MSANTD5: variants seen among roughly 807,000 people sequenced by gnomAD.
MSANTD5 encodes uncharacterized protein MSANTD5.
At chr5:178,706,359 A>G in the MSANTD5 span, among the ~76,000 whole-genome samples, 7 of 151,916 alleles carry the variant, frequency 4.6e-5, no homozygotes, top group African/African-American at 1.7e-4. Context: ...AATTTCCCCA[A>G]ATGGTCCTCC....
chr5:178,698,703 G>A (rs6873150), upstream of MSANTD5, among the ~76,000 whole-genome samples: 35,579 of 150,148 alleles, frequency 0.24, 4,476 homozygotes, highest in South Asian at 0.36. Context: ...CCTCAGCCTC[G>A]CAGGTAGCTA....
downstream of MSANTD5, among the ~76,000 whole-genome samples, chr5:178,691,836 T>G (rs995759769): frequency 4.4e-5 from 6 of 135,578 alleles, 2 homozygotes; most frequent in Non-Finnish European, 1.0e-4. Flanking sequence ...AAGCCATAAG[T>G]AGATATCACC....
downstream of MSANTD5, among the ~76,000 whole-genome samples, chr5:178,693,244 C>T (rs554574873): frequency 3.9e-5 from 6 of 151,962 alleles, no homozygotes; most frequent in Admixed American, 1.3e-4. Flanking sequence ...ACCCAGGTGG[C>T]GGAGGTTATG....
chr5:178,704,246 TAC>T, the MSANTD5 span, among the ~76,000 whole-genome samples: 1 of 152,192 alleles, frequency 6.6e-6, no homozygotes, highest in Non-Finnish European at 1.5e-5. Flanking sequence ...AATGCTTGCG[TAC>T]CCCCAAAATT....
chr5:178,702,755 G>A, the MSANTD5 span, among the ~76,000 whole-genome samples: 1 of 150,942 alleles, frequency 6.6e-6, no homozygotes, highest in African/African-American at 2.4e-5. Context: ...TTGCGACCAC[G>A]CCCGGCTAAT....
At chr5:178,693,646 G>C (rs192828750), downstream of MSANTD5, among the ~76,000 whole-genome samples, 567 of 152,178 alleles carry the variant, frequency 3.7e-3, 10 homozygotes, top group African/African-American at 0.013. Context: ...TGAGCACCTT[G>C]CATCTGCTGG....
At chr5:178,705,265 C>T in the MSANTD5 span, among the ~76,000 whole-genome samples, 2 of 152,044 alleles carry the variant, frequency 1.3e-5, no homozygotes, top group Non-Finnish European at 2.9e-5. Context: ...CCAGGATGGT[C>T]TCGATCTCCT....
chr5:178,694,644 T>C (rs6600944), exon 4 of MSANTD5: 144,556 of 152,334 alleles, frequency 0.95, 68,708 homozygotes, highest in Middle Eastern at 0.97. Context: ...CACACACAGA[T>C]TGTGCTGTTT....
At chr5:178,697,554 A>T (rs190131796) in intron 1 of MSANTD5, 32 bp downstream of exon 1, 9 of 152,336 alleles carry the variant, frequency 5.9e-5, no homozygotes, top group Non-Finnish European at 1.3e-4. Flanking sequence ...CCATCCTCCC[A>T]CGAAACAGCA....
At chr5:178,701,310 CT>C (rs936534698), upstream of MSANTD5, among the ~76,000 whole-genome samples, 8 of 151,962 alleles carry the variant, frequency 5.3e-5, no homozygotes, top group Non-Finnish European at 1.0e-4. Context: ...GGAAAATCAT[CT>C]AATCTAGGGG....
chr5:178,702,192 C>T (rs1765493790), upstream of MSANTD5, among the ~76,000 whole-genome samples: 2 of 151,814 alleles, frequency 1.3e-5, no homozygotes, highest in South Asian at 2.1e-4. Flanking sequence ...TTTCAGGTTC[C>T]CTAGTGACAA....
upstream of MSANTD5, among the ~76,000 whole-genome samples, chr5:178,700,125 C>T (rs1044252991): frequency 1.3e-5 from 2 of 152,166 alleles, no homozygotes; most frequent in African/African-American, 4.8e-5. Context: ...GCCCGCTCCT[C>T]CTGCAGGCCC....
downstream of MSANTD5, among the ~76,000 whole-genome samples, chr5:178,693,744 T>TTTTC (rs1264990881): frequency 6.6e-6 from 1 of 151,962 alleles, no homozygotes; most frequent in African/African-American, 2.4e-5. Flanking sequence ...TGGTCCATTT[T>TTTTC]TATAGAATGC....
the MSANTD5 span, among the ~76,000 whole-genome samples, chr5:178,707,381 T>A: frequency 6.6e-6 from 1 of 151,824 alleles, no homozygotes; most frequent in Non-Finnish European, 1.5e-5. Flanking sequence ...TAGGACACCT[T>A]CTACAGCCTA....
At chr5:178,697,237 G>A (rs914559297) in intron 1 of MSANTD5, among the ~76,000 whole-genome samples, 4 of 151,692 alleles carry the variant, frequency 2.6e-5, no homozygotes, top group Non-Finnish European at 5.9e-5. Context: ...GGCGGATCAC[G>A]AGGTCAGGAG....
At chr5:178,701,818 C>G (rs914403909), upstream of MSANTD5, among the ~76,000 whole-genome samples, 13 of 149,264 alleles carry the variant, frequency 8.7e-5, no homozygotes, top group African/African-American at 3.2e-4. Flanking sequence ...TGTTCTTGGC[C>G]TACTGGAACC....
rs2078257 is a variant in MSANTD5 at position 178,695,274 on chromosome 5, A to C, written c.403+13T>G. 101,224 of 151,534 alleles carry C rather than the reference A, an allele frequency of 0.67. 34,177 individuals are homozygous for C. The highest frequency in any genetic ancestry group is 0.71 in the Admixed American group (10,834 of 15,202). 9.4% of individuals were successfully genotyped at this position (151,534 alleles called of 1,614,324 possible). A position where few individuals can be genotyped will look rare whatever the true frequency, so the allele number is the denominator to read the frequency against. The stretch of plus-strand genomic sequence containing the variant: ...CTCACTAGACCATGGAGATGAACAC[A>C]AAAGACACAAACCTGAGAAGACGCT... On this transcript the variant is annotated intron_variant, in intron 3 of 3. Coordinates refer to ENST00000648368, the Ensembl canonical transcript of MSANTD5.
At chr5:178,694,257 A>G (rs1165126314), downstream of MSANTD5, among the ~76,000 whole-genome samples, 1 of 146,242 alleles carries the variant, frequency 6.8e-6, no homozygotes, top group Non-Finnish European at 1.5e-5. Flanking sequence ...CAGAGGTTGC[A>G]GTGAGCCGAG....
At chr5:178,705,299 G>A in the MSANTD5 span, among the ~76,000 whole-genome samples, 53 of 152,042 alleles carry the variant, frequency 3.5e-4, no homozygotes, top group East Asian at 2.6e-3. Context: ...GCCCGCCTCG[G>A]TCTCCCAAAG....
Sources: gnomAD v4.1 joint callset for allele counts (sites outside exome capture counted in the v4.1 genomes callset) on GRCh38, gnomAD v4.1.1 for gene constraint, MANE v1.5 for transcripts, NCBI Gene and HGNC (gene_info 2026-07-23, HGNC 2026-07-21) for gene names.